SLC2A1: variants seen among roughly 807,000 people sequenced by gnomAD.
SLC2A1 encodes the protein solute carrier family 2 member 1, also known as solute carrier family 2, facilitated glucose transporter member 1.
In SLC2A1, 4 loss-of-function variants were observed where a neutral mutation model predicts 46.6. The observed-to-expected ratio is 0.09, with a 90% confidence interval of 0.04 to 0.20. The LOEUF is 0.20. Ranked by LOEUF, SLC2A1 falls within the 10% of genes least tolerant of loss-of-function variation. The pLI is 1.00. For missense variants in SLC2A1, 352 were observed against 667.0 expected, an observed-to-expected ratio of 0.53 and a Z score of 5.20; for synonymous variants, 253 against 270.0, an observed-to-expected ratio of 0.94 and a Z score of 0.62.
chr1:42,931,946 C>G (rs913584166), intron 2 of SLC2A1, among the ~76,000 whole-genome samples: 1 of 152,198 alleles, frequency 6.6e-6, no homozygotes, highest in Non-Finnish European at 1.5e-5. Flanking sequence ...GCCCTCCCCC[C>G]AACCCCTTGC....
Position 42,949,613 on chromosome 1 carries a change from C to T in SLC2A1, c.19-6292G>A, listed in dbSNP as rs1484853488. ...ACCTCCAGACACCCCTGGTTGCCCT[C>T]GAGGCAGAAGGCACTCGCCAGTCTT... is the stretch of plus-strand genomic sequence containing the variant. On this transcript the variant is annotated intron_variant, in intron 1 of 9. Coordinates refer to ENST00000426263, the MANE Select transcript of SLC2A1 (RefSeq NM_006516.4). 5.3e-5 allele frequency among the ~76,000 whole-genome samples: 8 copies of T among 152,310 alleles called. No individual in the cohort carries two copies. In the East Asian group the frequency reaches 7.7e-4, roughly 15 times the overall value.
chr1:42,931,989 C>T (rs937897282), intron 2 of SLC2A1, among the ~76,000 whole-genome samples: 18 of 152,190 alleles, frequency 1.2e-4, no homozygotes, highest in African/African-American at 2.7e-4. Context: ...AGACAGGTTC[C>T]GCCATCCAGG....
At chr1:42,937,784 G>A (rs190737791) in intron 2 of SLC2A1, among the ~76,000 whole-genome samples, 159 of 152,316 alleles carry the variant, frequency 1.0e-3, no homozygotes, top group African/African-American at 3.5e-3. Context: ...GTGAAGGGGA[G>A]AGAGGACTAG....
rs74070935 is a variant in SLC2A1, at chr1:42,950,145, A to C, written c.19-6824T>G. On this transcript the variant is annotated intron_variant, in intron 1 of 9. Transcript: ENST00000426263. ...GGAGAAAAAAAAGACAATGACTAAT[A>C]TTTTGTGATATGTAAGAATTATATT... Among the ~76,000 whole-genome samples the C allele has an allele frequency of 1.8e-3, 271 of 152,364 alleles. 1 individual carries two copies. The highest frequency in any genetic ancestry group is 3.4e-3 in the Middle Eastern group (1 of 294).
intron 1 of SLC2A1, among the ~76,000 whole-genome samples, chr1:42,956,235 T>C (rs1464848193): frequency 1.3e-5 from 2 of 152,120 alleles, no homozygotes; most frequent in Non-Finnish European, 2.9e-5. Flanking sequence ...TCTGTTAGTA[T>C]CAAACTGCAT....
chr1:42,948,790 G>T lies in SLC2A1; in HGVS notation c.19-5469C>A, dbSNP rs560909217. Among the ~76,000 whole-genome samples, 34 of 152,276 alleles carry T rather than the reference G, an allele frequency of 2.2e-4. No individual in the cohort carries two copies. In the South Asian group the frequency reaches 5.8e-3, roughly 26 times the overall value. ...CTAAAAATAGAAAAGTTGGAGCCGG[G>T]CACGGTGGCTCACCCCTGTAATCCC... is the stretch of plus-strand genomic sequence containing the variant. On this transcript the variant is annotated intron_variant, in intron 1 of 9. Transcript: ENST00000426263.
At chr1:42,931,984 G>A (rs186553484) in intron 2 of SLC2A1, among the ~76,000 whole-genome samples, 35 of 152,300 alleles carry the variant, frequency 2.3e-4, no homozygotes, top group Admixed American at 1.6e-3. Context: ...TTGACAGACA[G>A]GTTCCGCCAT....
At chr1:42,940,614 T>G (rs1036357122) in intron 2 of SLC2A1, among the ~76,000 whole-genome samples, 1 of 152,180 alleles carries the variant, frequency 6.6e-6, no homozygotes, top group African/African-American at 2.4e-5. Flanking sequence ...TAATTTTTAT[T>G]TATTTAATTA....
Position 42,929,923 on chromosome 1 carries a change from C to G in SLC2A1, c.629G>C (p.Ser210Thr). 1 of 1,614,102 alleles carries G rather than the reference C, an allele frequency of 6.2e-7. No individual in the cohort carries two copies. Among genetic ancestry groups the G allele is most frequent in the African/African-American group, 1.3e-5 (1 of 75,014 alleles). The change falls in exon 5 of 10, where the codon AGT becomes ACT. Residue 210 changes from serine to threonine, a missense_variant. This residue lies in a region of SLC2A1 where 167 missense variants were observed against 280.8 expected (regional missense o/e 0.59). Transcript: ENST00000426263. This position sits in a 1 kb window ranked among gnomAD's most constrained non-coding sequence, Gnocchi z 6.0. ...GCGGTTGATGAGCAGGAAGCGGGGACTCTCGGGGCAGAAGGGCAGCACGAT... is the reference window on the plus strand; with the variant it reads ...GCGGTTGATGAGCAGGAAGCGGGGAGTCTCGGGGCAGAAGGGCAGCACGAT... ...QCIVLPFCPESPRFLLINRNE... is the reference protein window; with the variant it reads ...QCIVLPFCPETPRFLLINRNE...
At chr1:42,952,049 A>G in intron 1 of SLC2A1, 1 of 428,342 alleles carries the variant, frequency 2.3e-6, no homozygotes, top group Non-Finnish European at 4.1e-6. Context: ...CCAGATATCC[A>G]CAGCATGGGG....
chr1:42,930,990 C>T lies in SLC2A1; in HGVS notation c.275+56G>A. The T allele has an allele frequency of 5.0e-6, 8 of 1,611,684 alleles. No individual in the cohort carries two copies. Among genetic ancestry groups the T allele is most frequent in the Non-Finnish European group, 6.8e-6 (8 of 1,178,830 alleles). ...CTACCTCCCACCCCATCTGGGACTCCCTGGGCAGGAGGGCATGGGCCCTCC... is the reference window on the plus strand; with the variant it reads ...CTACCTCCCACCCCATCTGGGACTCTCTGGGCAGGAGGGCATGGGCCCTCC... On this transcript the variant is annotated intron_variant, in intron 3 of 9. Coordinates refer to ENST00000426263, the MANE Select transcript of SLC2A1 (RefSeq NM_006516.4). The surrounding 1 kb of genome is among the most constrained non-coding windows in gnomAD (Gnocchi z 6.2).
chr1:42,948,535 A>C (rs946671441), intron 1 of SLC2A1, among the ~76,000 whole-genome samples: 1 of 152,168 alleles, frequency 6.6e-6, no homozygotes, highest in African/African-American at 2.4e-5. Context: ...CCACGGCTCA[A>C]AGGAGTGGGG....
intron 1 of SLC2A1, among the ~76,000 whole-genome samples, chr1:42,956,737 C>G (rs1018712255): frequency 2.6e-5 from 4 of 152,236 alleles, no homozygotes; most frequent in Non-Finnish European, 4.4e-5. Context: ...TTAGAACCAG[C>G]TGGCACAAGG....
In SLC2A1 at chr1:42,930,984, G is replaced by C. The variant is rs1213548751; in HGVS notation, c.275+62C>G. ...TCTCCCCTACCTCCCACCCCATCTG[G>C]GACTCCCTGGGCAGGAGGGCATGGG... On this transcript the variant is annotated intron_variant, in intron 3 of 9. Coordinates refer to ENST00000426263, the MANE Select transcript of SLC2A1 (RefSeq NM_006516.4). The surrounding 1 kb of genome is among the most constrained non-coding windows in gnomAD (Gnocchi z 6.2). 4.3e-6 allele frequency: 7 copies of C among 1,610,502 alleles called. No homozygotes were observed. In the Admixed American group the frequency reaches 1.2e-4, roughly 27 times the overall value.
chr1:42,930,122 A>G lies in SLC2A1; in HGVS notation c.517-87T>C. ...AGAGTGGCCTTCCCTACTTTGTGTC[A>G]GCTGCTGCTTCAGGGAAGGGCCCCA... On this transcript the variant is annotated intron_variant, in intron 4 of 9. Transcript: ENST00000426263. This position sits in a 1 kb window ranked among gnomAD's most constrained non-coding sequence, Gnocchi z 6.2. 1 of 1,473,516 alleles carries G rather than the reference A, an allele frequency of 6.8e-7. No individual in the cohort carries two copies. The highest frequency in any genetic ancestry group is 2.3e-4 in the Middle Eastern group (1 of 4,260). The allele number at this position is 1,473,516 out of a possible 1,614,324, so 91.3% of individuals were successfully genotyped here.
chr1:42,942,123 G>T (rs1643604596), intron 2 of SLC2A1, among the ~76,000 whole-genome samples: 1 of 152,220 alleles, frequency 6.6e-6, no homozygotes, highest in Non-Finnish European at 1.5e-5. Context: ...TGGTCCTGAC[G>T]TGAGGACTGC....
chr1:42,939,947 C>T (rs559875476), intron 2 of SLC2A1, among the ~76,000 whole-genome samples: 3 of 93,758 alleles, frequency 3.2e-5, no homozygotes, highest in South Asian at 4.0e-4. Context: ...AGCAAGACTC[C>T]GTCTCAAAAA....
intron 1 of SLC2A1, among the ~76,000 whole-genome samples, chr1:42,945,973 T>C (rs1355979933): frequency 6.6e-6 from 1 of 152,124 alleles, no homozygotes; most frequent in Non-Finnish European, 1.5e-5. Context: ...AAACATTAAG[T>C]GGAAAATAAT....
chr1:42,952,281 T>C, intron 1 of SLC2A1: 1 of 417,178 alleles, frequency 2.4e-6, no homozygotes, highest in East Asian at 7.0e-5. Flanking sequence ...AGCCCACAAA[T>C]AGCCCGGGCT....
Sources: allele counts gnomAD v4.1 joint callset (sites outside exome capture counted in the v4.1 genomes callset), GRCh38; gene constraint gnomAD v4.1.1; regional missense constraint gnomAD v4.1.1; non-coding constraint Gnocchi (gnomAD v3.1); transcripts MANE v1.5; gene names NCBI Gene and HGNC (gene_info 2026-07-23, HGNC 2026-07-21).